ST7L: variants seen among roughly 807,000 people sequenced by gnomAD.
ST7L encodes the protein suppressor of tumorigenicity 7 protein-like.
Under a neutral mutation model 72.5 loss-of-function variants are expected in ST7L, and 57 were observed. That is an observed-to-expected ratio of 0.79 (90% CI 0.64 to 0.98). The LOEUF (loss-of-function observed/expected upper bound fraction) is 0.98. ST7L is among the 50% of genes least tolerant of loss of function. ST7L has a pLI of 0.00. For missense variants in ST7L, 576 were observed against 672.2 expected (o/e 0.86, Z 1.58); for synonymous variants, 221 against 240.9 (o/e 0.92, Z 0.77).
chr1:112,598,158 T>TA, intron 4 of ST7L, 72 bp from the exon 5 acceptor site: 1 of 1,062,772 alleles, frequency 9.4e-7, no homozygotes, highest in East Asian at 2.6e-5. Flanking sequence ...AGACACTACT[T>TA]AAATTCAAAA....
intron 1 of ST7L, 101 bp from the exon 2 acceptor site, chr1:112,616,996 A>C (rs1016336132): frequency 1.4e-5 from 10 of 715,776 alleles, no homozygotes; most frequent in Non-Finnish European, 2.1e-5. Context: ...CTTAAGTAGT[A>C]TTAATATCTA....
chr1:112,521,311 C>CTTTTTTTTTTTTTTTTTTT (rs5777124), downstream of ST7L: 118 of 122,014 alleles, frequency 9.7e-4, 2 homozygotes, highest in Middle Eastern at 4.5e-3. Context: ...CTTGTGTTGC[C>CTTTTTTTTTTTTTTTTTTT]TTTTTTTTTT....
At chr1:112,578,525 C>T (rs1663520197) in intron 9 of ST7L, 108 bp from the exon 10 acceptor site, 2 of 981,682 alleles carry the variant, frequency 2.0e-6, no homozygotes. Flanking sequence ...CCTATAATCC[C>T]AGCACTTAGG....
intron 13 of ST7L, among the ~76,000 whole-genome samples, chr1:112,542,950 C>T (rs1656404935): frequency 2.0e-5 from 3 of 151,948 alleles, no homozygotes; most frequent in Admixed American, 6.6e-5. Flanking sequence ...CATGCACAGG[C>T]CACTACGCCC....
chr1:112,606,943 G>C (rs1275551445), intron 3 of ST7L, among the ~76,000 whole-genome samples: 1 of 152,164 alleles, frequency 6.6e-6, no homozygotes, highest in Non-Finnish European at 1.5e-5. Flanking sequence ...TTAGAGGTTA[G>C]AGTTTCAACA....
At chr1:112,534,680 T>A (rs543819702) in intron 14 of ST7L, among the ~76,000 whole-genome samples, 1 of 152,316 alleles carries the variant, frequency 6.6e-6, no homozygotes, top group East Asian at 1.9e-4. Flanking sequence ...TAGAGGACTA[T>A]GCTGGGTCTG....
upstream of ST7L, chr1:112,619,415 C>CA (rs1262235335): frequency 1.1e-5 from 6 of 535,958 alleles, no homozygotes; most frequent in Non-Finnish European, 1.3e-5. Context: ...CCGCCCCCCC[C>CA]CCGGGGTTGG....
chr1:112,607,771 G>C (rs977271409), intron 3 of ST7L, among the ~76,000 whole-genome samples: 4 of 152,064 alleles, frequency 2.6e-5, no homozygotes, highest in African/African-American at 9.7e-5. Context: ...AATTATAGAG[G>C]AAGAACTATG....
At chr1:112,526,222 C>A in intron 14 of ST7L, 111 bp from the exon 15 acceptor site, 1 of 1,448,930 alleles carries the variant, frequency 6.9e-7, no homozygotes, top group Non-Finnish European at 9.3e-7. Flanking sequence ...CCCTCCTGAA[C>A]CTTATCAACC....
chr1:112,586,151 G>C (rs1026465374), intron 6 of ST7L, among the ~76,000 whole-genome samples: 40 of 152,224 alleles, frequency 2.6e-4, no homozygotes, highest in African/African-American at 9.4e-4. Flanking sequence ...TTCCTGCCCA[G>C]GCACAGTGGC....
At chr1:112,526,493 A>T (rs1393384986) in intron 14 of ST7L, 1 of 161,598 alleles carries the variant, frequency 6.2e-6, no homozygotes, top group Non-Finnish European at 1.4e-5. Context: ...TAATCCCAGC[A>T]CTTTGGGAGG....
chr1:112,521,311 CTTTTTTTT>C (rs5777124), downstream of ST7L: 244 of 122,106 alleles, frequency 2.0e-3, 1 homozygote, highest in African/African-American at 7.2e-3. Context: ...CTTGTGTTGC[CTTTTTTTT>C]TTTTTTTTTT....
At chr1:112,602,620 G>A (rs1363305341) in intron 3 of ST7L, among the ~76,000 whole-genome samples, 1 of 152,040 alleles carries the variant, frequency 6.6e-6, no homozygotes, top group Non-Finnish European at 1.5e-5. Flanking sequence ...TGTGAGAACT[G>A]GCCCCTTTTG....
chr1:112,558,109 T>C (rs185854039), intron 11 of ST7L, among the ~76,000 whole-genome samples: 1 of 152,306 alleles, frequency 6.6e-6, no homozygotes, highest in Admixed American at 6.5e-5. Flanking sequence ...GAGACCAGAA[T>C]GCACTTGCCC....
At chr1:112,556,980 A>C (rs867093576) in intron 11 of ST7L, among the ~76,000 whole-genome samples, 6 of 129,272 alleles carry the variant, frequency 4.6e-5, no homozygotes, top group East Asian at 2.3e-4. Flanking sequence ...AAAAAAAAAA[A>C]AAAACAAAAA....
intron 13 of ST7L, among the ~76,000 whole-genome samples, chr1:112,543,763 G>C (rs905171565): frequency 6.6e-6 from 1 of 151,386 alleles, no homozygotes; most frequent in Non-Finnish European, 1.5e-5. Context: ...CAGCTACTTG[G>C]GAGGCTGAGG....
chr1:112,557,929 A>G (rs1423876381), intron 11 of ST7L, among the ~76,000 whole-genome samples: 2 of 152,232 alleles, frequency 1.3e-5, no homozygotes, highest in African/African-American at 2.4e-5. Context: ...ACTTGTACTA[A>G]TATTATCATT....
Position 112,553,093 on chromosome 1 carries a change from A to C in ST7L, c.1397-2400T>G, listed in dbSNP as rs561699401. Among the ~76,000 whole-genome samples the C allele has an allele frequency of 3.6e-4, 55 of 152,238 alleles. 1 individual carries two copies. The East Asian group carries it at 8.3e-3, about 23-fold the overall frequency. The stretch of plus-strand genomic sequence containing the variant: ...GATATTCATTGAGTATAGACTTAAA[A>C]AAAACAAAACAAAACAAAAAACAAT... On this transcript the variant is annotated intron_variant, in intron 12 of 14. Coordinates refer to ENST00000358039, the MANE Select transcript of ST7L (RefSeq NM_017744.5).
At chr1:112,560,044 T>C (rs1268785475) in intron 11 of ST7L, among the ~76,000 whole-genome samples, 2 of 152,160 alleles carry the variant, frequency 1.3e-5, no homozygotes, top group African/African-American at 4.8e-5. Context: ...TGTTATCGAT[T>C]ATTATTGGTG....
Sources: gnomAD v4.1 joint callset for allele counts (sites outside exome capture counted in the v4.1 genomes callset) on GRCh38, gnomAD v4.1.1 for gene constraint, MANE v1.5 for transcripts, NCBI Gene and HGNC (gene_info 2026-07-23, HGNC 2026-07-21) for gene names.